SAMD12: variants seen among roughly 807,000 people sequenced by gnomAD.
SAMD12 encodes sterile alpha motif domain-containing protein 12.
SAMD12 carries 9 observed loss-of-function variants against 15.0 expected under a neutral mutation model. The observed-to-expected ratio is 0.60, with a 90% confidence interval of 0.36 to 1.05. The LOEUF is 1.05. SAMD12 is among the 50% of genes least tolerant of loss of function. The pLI is 0.01. For missense variants in SAMD12, 230 were observed against 234.2 expected, an observed-to-expected ratio of 0.98 and a Z score of 0.12; for synonymous variants, 86 against 90.1, an observed-to-expected ratio of 0.96 and a Z score of 0.25.
intron 2 of SAMD12, among the ~76,000 whole-genome samples, chr8:118,517,996 T>A (rs988375259): frequency 6.6e-6 from 1 of 152,178 alleles, no homozygotes; most frequent in Non-Finnish European, 1.5e-5. Flanking sequence ...AACAGCAGGC[T>A]CAGACTCACT....
At chr8:118,619,731 G>C (rs1166357632) in intron 1 of SAMD12, among the ~76,000 whole-genome samples, 1 of 152,098 alleles carries the variant, frequency 6.6e-6, no homozygotes, top group Admixed American at 6.5e-5. Flanking sequence ...GATTAAGTAT[G>C]ATAAGTATTA....
intron 4 of SAMD12, among the ~76,000 whole-genome samples, chr8:118,312,666 A>G (rs1473508926): frequency 6.6e-6 from 1 of 152,214 alleles, no homozygotes; most frequent in African/African-American, 2.4e-5. Context: ...ATATCCATGC[A>G]GGACAGGCTC....
intron 3 of SAMD12, among the ~76,000 whole-genome samples, chr8:118,381,020 A>G (rs1464752770): frequency 2.0e-5 from 3 of 152,234 alleles, no homozygotes; most frequent in African/African-American, 7.2e-5. Context: ...CATGCCATCA[A>G]TGAAATGCTC....
chr8:118,478,254 T>A (rs1824021901), intron 2 of SAMD12, among the ~76,000 whole-genome samples: 1 of 152,166 alleles, frequency 6.6e-6, no homozygotes, highest in East Asian at 1.9e-4. Flanking sequence ...GGCCAAAATA[T>A]TTTCTTCCAT....
At chr8:118,149,707 G>A in the SAMD12 span, among the ~76,000 whole-genome samples, 2 of 152,046 alleles carry the variant, frequency 1.3e-5, no homozygotes, top group Admixed American at 1.3e-4. Context: ...ATAGTTTTAA[G>A]TTCTGCATTT....
At chr8:118,265,426 T>C (rs1813175130) in intron 4 of SAMD12, among the ~76,000 whole-genome samples, 1 of 152,026 alleles carries the variant, frequency 6.6e-6, no homozygotes, top group South Asian at 2.1e-4. Context: ...GTTTAAACAG[T>C]AGAGAAGACA....
intron 4 of SAMD12, among the ~76,000 whole-genome samples, chr8:118,372,266 T>TA (rs767421227): frequency 9.2e-5 from 14 of 152,282 alleles, no homozygotes; most frequent in Admixed American, 2.0e-4. Flanking sequence ...TAGAAAGACA[T>TA]ATCCTATTGC....
rs1022082327 is a variant in SAMD12, at chr8:118,497,723, C to G, written c.193-57762G>C. The stretch of plus-strand genomic sequence containing the variant: ...CTGGAATCTAAAATAACTTAAGTTG[C>G]GGGGGGGGGTGGGGGGAAAGAAAAA... On this transcript the variant is annotated intron_variant, in intron 2 of 3. Transcript: ENST00000314727. Among the ~76,000 whole-genome samples the G allele has an allele frequency of 7.2e-3, 422 of 58,766 alleles. 6 individuals carry two copies. The highest frequency in any genetic ancestry group is 0.024 in the African/African-American group (375 of 15,620). The allele number at this position is 58,766 out of a possible 152,430, so 38.6% of individuals were successfully genotyped here. A position where few individuals can be genotyped will look rare whatever the true frequency, so the allele number is the denominator to read the frequency against.
At chr8:118,217,513 C>A (rs567151806) in intron 4 of SAMD12, among the ~76,000 whole-genome samples, 1 of 152,180 alleles carries the variant, frequency 6.6e-6, no homozygotes, top group East Asian at 1.9e-4. Flanking sequence ...AAGACAATAT[C>A]TTTACAGAAA....
chr8:118,602,960 A>G (rs949030773), intron 1 of SAMD12, among the ~76,000 whole-genome samples: 40 of 152,200 alleles, frequency 2.6e-4, no homozygotes, highest in Non-Finnish European at 4.0e-4. Flanking sequence ...ATGATAATCA[A>G]TAAAAAATAG....
intron 2 of SAMD12, among the ~76,000 whole-genome samples, chr8:118,474,153 G>C (rs1823889763): frequency 6.6e-6 from 1 of 151,886 alleles, no homozygotes; most frequent in Non-Finnish European, 1.5e-5. Flanking sequence ...TAAAGACAAG[G>C]TTTCTCCATG....
chr8:118,548,376 A>C (rs947270419), intron 2 of SAMD12, among the ~76,000 whole-genome samples: 2 of 126,720 alleles, frequency 1.6e-5, no homozygotes, highest in African/African-American at 6.0e-5. Context: ...TTACACTAAA[A>C]ACACACATAC....
chr8:118,143,794 G>A, the SAMD12 span, among the ~76,000 whole-genome samples: 1 of 152,140 alleles, frequency 6.6e-6, no homozygotes, highest in African/African-American at 2.4e-5. Context: ...AATATGGAAA[G>A]CACGAAAACA....
chr8:118,207,217 C>T (rs1819885570), intron 4 of SAMD12, among the ~76,000 whole-genome samples: 1 of 152,238 alleles, frequency 6.6e-6, no homozygotes, highest in South Asian at 2.1e-4. Flanking sequence ...CCCAGCTTTA[C>T]AGCTCTCTTG....
At chr8:118,564,217 T>G (rs1586822135) in intron 2 of SAMD12, among the ~76,000 whole-genome samples, 2 of 117,278 alleles carry the variant, frequency 1.7e-5, no homozygotes, top group Admixed American at 2.1e-4. Context: ...GCCCGCCGAC[T>G]CCTCAACACA....
At chr8:118,416,691 C>G (rs999159665) in intron 3 of SAMD12, among the ~76,000 whole-genome samples, 12 of 152,186 alleles carry the variant, frequency 7.9e-5, no homozygotes, top group African/African-American at 2.9e-4. Context: ...AGTATAATCC[C>G]TGAACCCCAC....
At chr8:118,505,911 C>A (rs574288212) in intron 2 of SAMD12, among the ~76,000 whole-genome samples, 1 of 152,066 alleles carries the variant, frequency 6.6e-6, no homozygotes, top group South Asian at 2.1e-4. Flanking sequence ...TTCCTCAGGC[C>A]CCAGAACAGA....
At chr8:118,331,900 C>T (rs1003042207) in intron 4 of SAMD12, among the ~76,000 whole-genome samples, 3 of 152,022 alleles carry the variant, frequency 2.0e-5, no homozygotes, top group Non-Finnish European at 4.4e-5. Context: ...GATTGTTTGT[C>T]CTCACTATTC....
At chr8:118,239,768 A>G (rs902566398) in intron 4 of SAMD12, 2 of 152,154 alleles carry the variant, frequency 1.3e-5, no homozygotes, top group Non-Finnish European at 2.9e-5. Flanking sequence ...CATGTAGCCA[A>G]CATAAAGGGA....
Sources: allele counts gnomAD v4.1 joint callset (sites outside exome capture counted in the v4.1 genomes callset), GRCh38; gene constraint gnomAD v4.1.1; transcripts MANE v1.5; gene names NCBI Gene and HGNC (gene_info 2026-07-23, HGNC 2026-07-21).